EPHA3: variants seen among roughly 807,000 people sequenced by gnomAD.
EPHA3 encodes the protein EPH receptor A3.
In EPHA3, 42 loss-of-function variants were observed where a neutral mutation model predicts 107.1. That is an observed-to-expected ratio of 0.39 (90% confidence interval 0.31 to 0.51). The LOEUF is 0.51. Ranked by LOEUF, EPHA3 falls within the 20% of genes least tolerant of loss-of-function variation. The probability of loss-of-function intolerance (pLI) is 0.78; values close to 1 mark genes in which losing one functional copy is unlikely to be tolerated. For synonymous variants in EPHA3, 461 were observed against 424.8 expected (o/e 1.09, Z -1.05); for missense variants, 1,183 against 1,211.2 (o/e 0.98, Z 0.35).
intron 15 of EPHA3, among the ~76,000 whole-genome samples, chr3:89,468,038 G>A (rs1356547512): frequency 6.6e-6 from 1 of 152,128 alleles, no homozygotes; most frequent in African/African-American, 2.4e-5. Context: ...GCCTGCAGCT[G>A]CTCAAAGGCC....
At chr3:89,438,376 G>T (rs1370554112) in intron 13 of EPHA3, among the ~76,000 whole-genome samples, 1 of 152,094 alleles carries the variant, frequency 6.6e-6, no homozygotes, top group Non-Finnish European at 1.5e-5. Flanking sequence ...CTCCCAAAGT[G>T]CTGGGATTAC....
intron 2 of EPHA3, among the ~76,000 whole-genome samples, chr3:89,151,624 A>C (rs1704692470): frequency 6.6e-6 from 1 of 152,076 alleles, no homozygotes; most frequent in African/African-American, 2.4e-5. Flanking sequence ...CAAGAAAATT[A>C]GACTTGTGTA....
At chr3:89,301,353 A>G (rs1306663350) in intron 3 of EPHA3, among the ~76,000 whole-genome samples, 1 of 152,118 alleles carries the variant, frequency 6.6e-6, no homozygotes, top group Non-Finnish European at 1.5e-5. Flanking sequence ...GGAAAAGCTG[A>G]TAATGTCACT....
chr3:89,269,210 CT>C (rs1705606409), intron 3 of EPHA3, among the ~76,000 whole-genome samples: 1 of 152,080 alleles, frequency 6.6e-6, no homozygotes, highest in African/African-American at 2.4e-5. Context: ...ATGAAGAATA[CT>C]GTTTACACAT....
chr3:89,251,368 T>C (rs944660798), intron 3 of EPHA3, among the ~76,000 whole-genome samples: 13 of 152,042 alleles, frequency 8.6e-5, no homozygotes, highest in Non-Finnish European at 1.6e-4. Context: ...TATAATAACT[T>C]ATAGAAAGTG....
rs1484552803 is a variant in EPHA3, at chr3:89,210,372, C to T, written c.666C>T (p.Ser222=). 1.2e-6 allele frequency: 2 copies of T among 1,613,704 alleles called. No homozygotes were observed. The highest frequency in any genetic ancestry group is 1.1e-5 in the South Asian group (1 of 91,046). ...ACACGGTACCCATGGACTCCCAGTC[C>T]CTGGTGGAGGTTAGAGGGTCTTGTG... is the stretch of plus-strand genomic sequence containing the variant. ...FPDTVPMDSQ[S]LVEVRGSCVN... Residue 222 remains serine (S), a synonymous_variant, in exon 3 of 17, where the codon TCC becomes TCT. Coordinates refer to ENST00000336596, the MANE Select transcript of EPHA3 (RefSeq NM_005233.6).
chr3:89,152,323 C>T (rs575735131), intron 2 of EPHA3, among the ~76,000 whole-genome samples: 6 of 152,148 alleles, frequency 3.9e-5, no homozygotes, highest in East Asian at 1.9e-4. Flanking sequence ...AAACCTAAAA[C>T]GACCTCCTCA....
chr3:89,419,551 A>G (rs1709316390), intron 11 of EPHA3, among the ~76,000 whole-genome samples, 161 bp downstream of exon 11: 1 of 151,460 alleles, frequency 6.6e-6, no homozygotes, highest in African/African-American at 2.4e-5. Flanking sequence ...ACAGTAGAGC[A>G]GACCTTTAAA....
At chr3:89,397,444 G>A (rs1472642803) in intron 6 of EPHA3, among the ~76,000 whole-genome samples, 1 of 152,098 alleles carries the variant, frequency 6.6e-6, no homozygotes, top group Non-Finnish European at 1.5e-5. Context: ...TTTCAGGACT[G>A]GGAGAAGAAC....
At chr3:89,408,380 C>T (rs1264901604) in intron 9 of EPHA3, among the ~76,000 whole-genome samples, 11 of 152,086 alleles carry the variant, frequency 7.2e-5, no homozygotes, top group Admixed American at 3.3e-4. Context: ...ATTCAAATAA[C>T]GCACATGCTA....
chr3:89,445,198 G>A (rs1709856278), intron 13 of EPHA3, among the ~76,000 whole-genome samples: 1 of 152,106 alleles, frequency 6.6e-6, no homozygotes, highest in African/African-American at 2.4e-5. Flanking sequence ...CCTGAGAGGG[G>A]GAGGTTGCAG....
At chr3:89,478,124 A>G (rs1710552001) in intron 16 of EPHA3, among the ~76,000 whole-genome samples, 1 of 152,160 alleles carries the variant, frequency 6.6e-6, no homozygotes, top group South Asian at 2.1e-4. Flanking sequence ...ATAATTAACC[A>G]TTTGCACATT....
intron 3 of EPHA3, among the ~76,000 whole-genome samples, chr3:89,314,114 AT>A (rs1246923405): frequency 6.6e-6 from 1 of 151,826 alleles, no homozygotes; most frequent in Non-Finnish European, 1.5e-5. Context: ...CTATCATGGA[AT>A]TTTTCACAGA....
intron 11 of EPHA3, among the ~76,000 whole-genome samples, chr3:89,425,623 G>T (rs1284234090): frequency 1.3e-5 from 2 of 151,218 alleles, no homozygotes; most frequent in Non-Finnish European, 3.0e-5. Flanking sequence ...TTCAATATCT[G>T]ATAAACAGTT....
At chr3:89,286,379 T>C (rs532278957) in intron 3 of EPHA3, among the ~76,000 whole-genome samples, 46 of 151,482 alleles carry the variant, frequency 3.0e-4, no homozygotes, top group Non-Finnish European at 6.2e-4. Context: ...ACTGAGGAGG[T>C]CCATCATCTG....
At chr3:89,236,341 T>C (rs55781119) in intron 3 of EPHA3, among the ~76,000 whole-genome samples, 4,870 of 151,488 alleles carry the variant, frequency 0.032, 284 homozygotes, top group African/African-American at 0.11. Flanking sequence ...AGAGAGTAAA[T>C]GAATAAAAGG....
At position 89,123,851 on chromosome 3, in the gene EPHA3, A is replaced by G. The variant is rs568764975; in HGVS notation, c.89-3358A>G. ...TTTTTTGAATATAAAATATTCTAAA[A>G]TTAACAAAATAATGTGTTTTCTGTT... On this transcript the variant is annotated intron_variant, in intron 1 of 16. Transcript: ENST00000336596. Among the ~76,000 whole-genome samples the G allele has an allele frequency of 5.3e-5, 8 of 152,340 alleles. No individual in the cohort carries two copies. In the East Asian group the frequency reaches 7.7e-4, roughly 15 times the overall value.
At chr3:89,174,346 C>G (rs946176766) in intron 2 of EPHA3, among the ~76,000 whole-genome samples, 2 of 151,842 alleles carry the variant, frequency 1.3e-5, no homozygotes, top group African/African-American at 4.8e-5. Context: ...CTGAATATAC[C>G]TGATCAAGGC....
chr3:89,265,555 A>T (rs186415938), intron 3 of EPHA3, among the ~76,000 whole-genome samples: 2 of 152,318 alleles, frequency 1.3e-5, no homozygotes, highest in African/African-American at 4.8e-5. Context: ...TATTTAAATT[A>T]ATTTATATTC....
Sources: gnomAD v4.1 joint callset for allele counts (sites outside exome capture counted in the v4.1 genomes callset) on GRCh38, gnomAD v4.1.1 for gene constraint, MANE v1.5 for transcripts, NCBI Gene and HGNC (gene_info 2026-07-23, HGNC 2026-07-21) for gene names.